The following LRP1B variants were observed in gnomAD, a reference collection of about 807,000 sequenced individuals.
The protein encoded by LRP1B is low-density lipoprotein receptor-related protein 1B.
Under a neutral mutation model 556.6 loss-of-function variants are expected in LRP1B, and 217 were observed. That is an observed-to-expected ratio of 0.39 (90% CI 0.35 to 0.44). LRP1B has a LOEUF of 0.44. Ranked by LOEUF, LRP1B falls within the 20% of genes least tolerant of loss-of-function variation. LRP1B has a pLI of 1.00. For synonymous variants in LRP1B, 2,047 were observed against 1,865.8 expected (o/e 1.10, Z -2.50); for missense variants, 5,053 against 5,620.8 (o/e 0.90, Z 3.23).
At chr2:141,590,308 C>T (rs1417139391) in intron 2 of LRP1B, among the ~76,000 whole-genome samples, 1 of 152,128 alleles carries the variant, frequency 6.6e-6, no homozygotes, top group Non-Finnish European at 1.5e-5. Context: ...GAATTTAAAA[C>T]TCTTGCTGAG....
chr2:140,509,861 C>CA, intron 52 of LRP1B, 67 bp downstream of exon 52: 3 of 1,567,206 alleles, frequency 1.9e-6, no homozygotes, highest in Non-Finnish European at 2.6e-6. Context: ...GCAAATACTA[C>CA]AAAAACAAAT....
At chr2:141,155,408 C>T (rs992205489) in intron 7 of LRP1B, among the ~76,000 whole-genome samples, 1 of 151,634 alleles carries the variant, frequency 6.6e-6, no homozygotes, top group Non-Finnish European at 1.5e-5. Context: ...ATGAAATATA[C>T]TATTTTTCTG....
chr2:140,329,196 G>T (rs1222689414), intron 79 of LRP1B, among the ~76,000 whole-genome samples: 1 of 151,928 alleles, frequency 6.6e-6, no homozygotes, highest in South Asian at 2.1e-4. Flanking sequence ...ACCACACACT[G>T]CCAGGTACTA....
At chr2:141,785,073 GA>G (rs1175237611) in intron 2 of LRP1B, among the ~76,000 whole-genome samples, 1 of 151,712 alleles carries the variant, frequency 6.6e-6, no homozygotes, top group Non-Finnish European at 1.5e-5. Flanking sequence ...AACTTCACAG[GA>G]AAAAAACCTT....
chr2:140,532,791 T>C (rs1272555234), intron 47 of LRP1B, among the ~76,000 whole-genome samples: 1 of 151,954 alleles, frequency 6.6e-6, no homozygotes, highest in Non-Finnish European at 1.5e-5. Flanking sequence ...AATTCTCTTT[T>C]GTTTCATTCA....
chr2:141,042,998 C>A (rs2105434985), intron 11 of LRP1B, among the ~76,000 whole-genome samples: 1 of 142,280 alleles, frequency 7.0e-6, no homozygotes, highest in South Asian at 2.2e-4. Flanking sequence ...TTGCAACCAG[C>A]TGGGGCAACA....
intron 1 of LRP1B, among the ~76,000 whole-genome samples, chr2:141,886,092 G>C (rs936990564): frequency 6.6e-6 from 1 of 152,176 alleles, no homozygotes; most frequent in Non-Finnish European, 1.5e-5. Flanking sequence ...AAATTTATGT[G>C]AGGACATCAG....
intron 35 of LRP1B, among the ~76,000 whole-genome samples, chr2:140,729,043 T>C (rs1310575977): frequency 2.6e-5 from 4 of 152,022 alleles, no homozygotes; most frequent in African/African-American, 9.7e-5. Flanking sequence ...TTTGAAGTTT[T>C]AATTTGGTTT....
chr2:141,717,650 A>G (rs981515416), intron 2 of LRP1B, among the ~76,000 whole-genome samples: 1 of 152,208 alleles, frequency 6.6e-6, no homozygotes, highest in African/African-American at 2.4e-5. Flanking sequence ...CTCTGAAAGG[A>G]AAAGCAGATC....
At chr2:141,096,471 C>T (rs1700305743) in intron 7 of LRP1B, among the ~76,000 whole-genome samples, 1 of 151,934 alleles carries the variant, frequency 6.6e-6, no homozygotes, top group Non-Finnish European at 1.5e-5. Flanking sequence ...GCCTGTAATC[C>T]CAGCTACTGG....
chr2:140,887,992 C>T (rs1209950565), intron 23 of LRP1B, among the ~76,000 whole-genome samples: 2 of 152,076 alleles, frequency 1.3e-5, no homozygotes, highest in Non-Finnish European at 2.9e-5. Context: ...CTGAATTGTG[C>T]ACTTTAAAAG....
Position 141,223,060 on chromosome 2 carries a change from T to G in LRP1B, c.850+6123A>C, listed in dbSNP as rs533198858. Among the ~76,000 whole-genome samples the G allele has an allele frequency of 3.3e-5, 5 of 152,122 alleles. No individual in the cohort carries two copies. In the South Asian group the frequency reaches 8.3e-4, roughly 25 times the overall value. ...AGGGCAATCAGGCAAGAGAAAGAAA[T>G]AAAGGGGATTCAAATAGGAAGAGAG... On this transcript the variant is annotated intron_variant, in intron 6 of 90. Transcript: ENST00000389484.
chr2:140,662,445 A>T (rs1685130236), intron 41 of LRP1B, among the ~76,000 whole-genome samples: 1 of 152,164 alleles, frequency 6.6e-6, no homozygotes, highest in Admixed American at 6.5e-5. Flanking sequence ...TTAAAATGAT[A>T]GAAAAAGAAG....
intron 5 of LRP1B, among the ~76,000 whole-genome samples, chr2:141,231,397 G>T (rs1683459801): frequency 1.3e-5 from 2 of 152,082 alleles, no homozygotes; most frequent in Admixed American, 6.5e-5. Context: ...TCCCCATCAT[G>T]CTAGACCCCT....
chr2:140,428,573 A>G (rs1685767760), intron 66 of LRP1B, among the ~76,000 whole-genome samples: 1 of 151,776 alleles, frequency 6.6e-6, no homozygotes, highest in Non-Finnish European at 1.5e-5. Flanking sequence ...CAAGGCTCTG[A>G]CTCCTTCCCA....
intron 7 of LRP1B, among the ~76,000 whole-genome samples, chr2:141,158,785 C>T (rs1416952832): frequency 2.0e-5 from 3 of 152,014 alleles, no homozygotes. Context: ...TTACAAGTAG[C>T]ATTGAATACA....
chr2:140,952,045 C>A, intron 18 of LRP1B, 105 bp from the exon 19 acceptor site: 2 of 786,060 alleles, frequency 2.5e-6, no homozygotes, highest in East Asian at 2.6e-5. Context: ...CTGTTCTCTA[C>A]AAAGGCACAG....
chr2:140,686,495 TA>T, intron 41 of LRP1B, among the ~76,000 whole-genome samples: 1 of 151,874 alleles, frequency 6.6e-6, no homozygotes, highest in Non-Finnish European at 1.5e-5. Flanking sequence ...AATAAAAATT[TA>T]AAATAATAAT....
At chr2:141,893,010 A>G (rs1451699468) in intron 1 of LRP1B, among the ~76,000 whole-genome samples, 2 of 152,052 alleles carry the variant, frequency 1.3e-5, no homozygotes, top group Non-Finnish European at 2.9e-5. Context: ...TTTTTTTCTT[A>G]ATTTTATTGT....
Sources: gnomAD v4.1 joint callset for allele counts (sites outside exome capture counted in the v4.1 genomes callset) on GRCh38, gnomAD v4.1.1 for gene constraint, MANE v1.5 for transcripts, NCBI Gene and HGNC (gene_info 2026-07-23, HGNC 2026-07-21) for gene names.